Variants in TMEM74 observed in about 807,000 individuals in gnomAD.
TMEM74 encodes transmembrane protein 74.
Under a neutral mutation model 18.1 loss-of-function variants are expected in TMEM74, and 13 were observed. The observed-to-expected ratio is 0.72, with a 90% CI of 0.47 to 1.14. The LOEUF (loss-of-function observed/expected upper bound fraction) is 1.14. TMEM74 is among the 50% of genes most tolerant of loss of function. TMEM74 has a pLI of 0.00. For missense variants in TMEM74, 372 were observed against 375.9 expected (o/e 0.99, Z 0.09); for synonymous variants, 159 against 146.6 (o/e 1.08, Z -0.61).
chr8:108,706,797 G>GTT (rs1813417547), intron 1 of TMEM74, among the ~76,000 whole-genome samples: 1 of 144,628 alleles, frequency 6.9e-6, no homozygotes, highest in Non-Finnish European at 1.5e-5. Flanking sequence ...GTGTGTGTGT[G>GTT]TGTGTGTGTG....
chr8:108,644,704 A>T (rs911497505), intron 2 of TMEM74, among the ~76,000 whole-genome samples: 2 of 152,212 alleles, frequency 1.3e-5, no homozygotes, highest in African/African-American at 4.8e-5. Flanking sequence ...ATGAACAGAC[A>T]CTTTTCAAAA....
intron 1 of TMEM74, among the ~76,000 whole-genome samples, chr8:108,731,543 T>C (rs1166100819): frequency 6.6e-6 from 1 of 152,122 alleles, no homozygotes; most frequent in Non-Finnish European, 1.5e-5. Context: ...TAGGACACAC[T>C]AAATTACTGG....
chr8:108,719,287 AAC>A (rs527520012), intron 1 of TMEM74, among the ~76,000 whole-genome samples: 112 of 152,174 alleles, frequency 7.4e-4, no homozygotes, highest in African/African-American at 2.4e-3. Context: ...TATCATGATT[AAC>A]TACCTATTTT....
chr8:108,750,267 T>G lies in TMEM74; in HGVS notation n.119+37209A>C, dbSNP rs546874993. 7.2e-5 allele frequency among the ~76,000 whole-genome samples: 11 copies of G among 152,298 alleles called. No homozygotes were observed. In the South Asian group the frequency reaches 2.1e-3, roughly 29 times the overall value. On this transcript the variant is annotated intron_variant and non_coding_transcript_variant, in intron 1 of 3. Transcript: ENST00000518838. ...TTCACCCAGCATTGCTCAAACATAT[T>G]TAATTATGGAAATTCATTTTAGATA...
At chr8:108,761,476 T>A (rs1358239790) in intron 1 of TMEM74, among the ~76,000 whole-genome samples, 1 of 152,160 alleles carries the variant, frequency 6.6e-6, no homozygotes, top group Non-Finnish European at 1.5e-5. Context: ...TACAGTTCTG[T>A]ACCTAGGCCA....
intron 1 of TMEM74, among the ~76,000 whole-genome samples, chr8:108,760,166 G>C (rs547836024): frequency 1.3e-5 from 2 of 151,502 alleles, no homozygotes; most frequent in East Asian, 3.9e-4. Flanking sequence ...GAGAGAGAGA[G>C]AGAGAGAGGG....
At chr8:108,744,354 C>A (rs1004374563) in intron 1 of TMEM74, among the ~76,000 whole-genome samples, 2 of 152,026 alleles carry the variant, frequency 1.3e-5, no homozygotes, top group African/African-American at 4.8e-5. Flanking sequence ...TCTCAATCAT[C>A]AAGGTTTATT....
At chr8:108,660,644 ATAGT>A (rs1812891090) in intron 1 of TMEM74, among the ~76,000 whole-genome samples, 1 of 152,168 alleles carries the variant, frequency 6.6e-6, no homozygotes, top group Non-Finnish European at 1.5e-5. Context: ...CTACAGTTAG[ATAGT>A]TCTGCCTTAC....
intron 2 of TMEM74, among the ~76,000 whole-genome samples, chr8:108,654,562 C>G (rs1812803430): frequency 6.6e-6 from 1 of 151,970 alleles, no homozygotes; most frequent in Admixed American, 6.6e-5. Flanking sequence ...ACTAATAATT[C>G]TAGGGTTGGG....
intron 1 of TMEM74, among the ~76,000 whole-genome samples, chr8:108,706,776 G>GGT (rs3049749): frequency 0.16 from 22,562 of 144,738 alleles, 1,756 homozygotes; most frequent in Admixed American, 0.2. Context: ...AATTACAAGG[G>GGT]GTGTGTGTGT....
At position 108,636,300 on chromosome 8, in the gene TMEM74, A is replaced by G. The variant is rs115015126; in HGVS notation, n.264+18993T>C. 6.4e-3 allele frequency among the ~76,000 whole-genome samples: 971 copies of G among 152,148 alleles called. 14 individuals are homozygous for G. Among genetic ancestry groups the G allele is most frequent in the African/African-American group, 0.021 (874 of 41,530 alleles). ...CCAGAGAGTTGGCAGAGAAGGAAGC[A>G]ATTCTGTTCCCTTAGTTTGTTCTCC... On this transcript the variant is annotated intron_variant and non_coding_transcript_variant, in intron 2 of 3. Coordinates refer to the TMEM74 transcript ENST00000518838.
chr8:108,651,513 T>C (rs1355163850), intron 2 of TMEM74, among the ~76,000 whole-genome samples: 1 of 152,150 alleles, frequency 6.6e-6, no homozygotes, highest in East Asian at 1.9e-4. Flanking sequence ...ATGGAATGAA[T>C]GCCTAGGAAA....
At chr8:108,693,356 T>A (rs1341706320) in intron 1 of TMEM74, among the ~76,000 whole-genome samples, 2 of 151,336 alleles carry the variant, frequency 1.3e-5, no homozygotes, top group Non-Finnish European at 2.9e-5. Flanking sequence ...CATGAAAGAG[T>A]TTCAGATAAT....
At chr8:108,763,845 C>G (rs1250079308) in intron 1 of TMEM74, among the ~76,000 whole-genome samples, 1 of 152,134 alleles carries the variant, frequency 6.6e-6, no homozygotes, top group Non-Finnish European at 1.5e-5. Context: ...CAGGATTAAA[C>G]AAAAATTCTT....
chr8:108,659,212 T>C (rs1475427018), intron 1 of TMEM74, among the ~76,000 whole-genome samples: 5 of 141,018 alleles, frequency 3.5e-5, no homozygotes, highest in African/African-American at 1.3e-4. Flanking sequence ...TGAGGTAAGA[T>C]GTGGTTTGAT....
intron 1 of TMEM74, among the ~76,000 whole-genome samples, chr8:108,664,766 A>G (rs1812932873): frequency 1.3e-5 from 2 of 152,066 alleles, no homozygotes; most frequent in South Asian, 4.1e-4. Context: ...AGAAGAAACA[A>G]GTAGAGGATG....
chr8:108,762,174 G>A (rs1586288820), intron 1 of TMEM74, among the ~76,000 whole-genome samples: 2 of 152,164 alleles, frequency 1.3e-5, no homozygotes, highest in East Asian at 1.9e-4. Context: ...AAATAAACTT[G>A]GCATAGACTA....
At chr8:108,673,345 C>T (rs545995273) in intron 1 of TMEM74, among the ~76,000 whole-genome samples, 89 of 152,266 alleles carry the variant, frequency 5.8e-4, no homozygotes, top group African/African-American at 1.4e-3. Context: ...ATACTAGTTT[C>T]GGACTTTATT....
At chr8:108,787,352 G>A (rs1049888106) in intron 1 of TMEM74, 124 bp downstream of exon 1, 1 of 152,226 alleles carries the variant, frequency 6.6e-6, no homozygotes, top group African/African-American at 2.4e-5. Context: ...AGGTACGGAT[G>A]TGTCCGCCTA....
Sources: gnomAD v4.1 joint callset for allele counts (sites outside exome capture counted in the v4.1 genomes callset) on GRCh38, gnomAD v4.1.1 for gene constraint, MANE v1.5 for transcripts, NCBI Gene and HGNC (gene_info 2026-07-23, HGNC 2026-07-21) for gene names.